Variants in FAAH2 observed in about 807,000 individuals in gnomAD.
FAAH2 encodes fatty acid amide hydrolase 2.
FAAH2 carries 60 observed loss-of-function variants against 36.9 expected under a neutral mutation model. The ratio of observed to expected loss-of-function variants is 1.63; its 90% CI spans 1.32 to 2.02. FAAH2 has a LOEUF of 2.02. Among genes scored for constraint, FAAH2 ranks in the 30% most tolerant of loss-of-function variants. FAAH2 has a pLI of 0.00. For synonymous variants in FAAH2, 214 were observed against 143.8 expected, an observed-to-expected ratio of 1.49 and a Z score of -3.49; for missense variants, 689 against 397.5, an observed-to-expected ratio of 1.73 and a Z score of -6.23.
rs188312537 is a variant in FAAH2, at chrX:57,415,994, T to C, written c.997-15924T>C. Among the ~76,000 whole-genome samples the C allele has an allele frequency of 3.5e-4, 39 of 111,689 alleles. No homozygotes were observed. In the East Asian group the frequency reaches 9.9e-3, roughly 28 times the overall value. On this transcript the variant is annotated intron_variant, in intron 7 of 10. Transcript: ENST00000374900. ...TCATTATGTAATGCCCTTCTTTGTA[T>C]TTTTTTAATCTTTGTTGGTTTAAAA...
the FAAH2 span, among the ~76,000 whole-genome samples, chrX:57,267,768 A>G: frequency 8.9e-6 from 1 of 112,456 alleles, no homozygotes; most frequent in Non-Finnish European, 1.9e-5. Context: ...TCTTCCAGAA[A>G]CAAAACCAGT....
the FAAH2 span, among the ~76,000 whole-genome samples, chrX:57,148,710 G>A: frequency 9.0e-6 from 1 of 111,552 alleles, no homozygotes; most frequent in African/African-American, 3.3e-5. Flanking sequence ...CTGCAAACAG[G>A]GACAATTTGA....
At chrX:57,354,662 G>A (rs1230112413) in intron 5 of FAAH2, among the ~76,000 whole-genome samples, 3 of 110,357 alleles carry the variant, frequency 2.7e-5, no homozygotes, top group Non-Finnish European at 5.7e-5. Flanking sequence ...CCTTTGTTAA[G>A]TATACATAAA....
intron 7 of FAAH2, among the ~76,000 whole-genome samples, chrX:57,391,700 A>G (rs991068618): frequency 9.0e-6 from 1 of 111,093 alleles, no homozygotes; most frequent in Non-Finnish European, 1.9e-5. Flanking sequence ...TTTTTTTACC[A>G]TTACCATACA....
rs756941950 is a variant in FAAH2 at position 57,406,085 on chromosome X, T to A, written c.996+25056T>A. ...TTTGAAGCAGCTGTCACTTCTTAGT[T>A]TTGAAATTGCCATTGTACAGATAAA... is the stretch of plus-strand genomic sequence containing the variant. On this transcript the variant is annotated intron_variant, in intron 7 of 10. Transcript: ENST00000374900. 2.7e-5 allele frequency among the ~76,000 whole-genome samples: 3 copies of A among 111,070 alleles called. No homozygotes were observed. The South Asian group carries it at 1.1e-3, about 42-fold the overall frequency.
chrX:57,336,146 G>C (rs1332962305), intron 4 of FAAH2, among the ~76,000 whole-genome samples: 1 of 111,126 alleles, frequency 9.0e-6, no homozygotes, highest in East Asian at 2.9e-4. Context: ...CACCACAAAA[G>C]AAGGGAAAAT....
intron 7 of FAAH2, among the ~76,000 whole-genome samples, chrX:57,415,426 CT>C (rs2055815718): frequency 9.0e-6 from 1 of 111,529 alleles, no homozygotes; most frequent in East Asian, 2.8e-4. Flanking sequence ...TACATTGTGT[CT>C]TTGTTCTCAT....
chrX:57,434,486 A>G (rs1156805563), intron 8 of FAAH2, among the ~76,000 whole-genome samples: 1 of 109,931 alleles, frequency 9.1e-6, no homozygotes, highest in Non-Finnish European at 1.9e-5. Flanking sequence ...ATAGTAACAG[A>G]AATTTTGGAA....
At chrX:57,448,372 T>A (rs1216613168) in intron 9 of FAAH2, 152 bp from the exon 10 acceptor site, 4 of 529,129 alleles carry the variant, frequency 7.6e-6, no homozygotes, top group Non-Finnish European at 1.2e-5. Flanking sequence ...CTAGAAGGAG[T>A]TAAAAGTAAG....
At chrX:57,431,059 C>T (rs1265627319) in intron 7 of FAAH2, among the ~76,000 whole-genome samples, 1 of 111,721 alleles carries the variant, frequency 9.0e-6, no homozygotes, top group Non-Finnish European at 1.9e-5. Context: ...ACACACTGAG[C>T]TGCAACACTA....
the FAAH2 span, among the ~76,000 whole-genome samples, chrX:57,190,075 G>A: frequency 9.0e-6 from 1 of 111,513 alleles, no homozygotes; most frequent in South Asian, 3.8e-4. Context: ...ACTGGGGCTG[G>A]TGCCTTTCTT....
chrX:57,286,873 G>T lies in FAAH2; in HGVS notation c.48G>T (p.Ala16=), dbSNP rs1470243493. Residue 16 remains alanine, a synonymous_variant, in exon 1 of 11, where the codon GCG becomes GCT. Transcript: ENST00000374900. ...TARIQLFLLR[A]LGFLIGLVGR... is the part of the protein sequence containing the mutation. ...GCATTCAGTTGTTCCTCTTGCGGGC[G>T]CTAGGCTTTCTCATAGGCTTAGTAG... is the stretch of plus-strand genomic sequence containing the variant. 8.4e-7 allele frequency: 1 copy of T among 1,195,155 alleles called. No homozygotes were observed. The highest frequency in any genetic ancestry group is 1.9e-5 in the South Asian group (1 of 53,926).
At chrX:57,204,407 C>T in the FAAH2 span, among the ~76,000 whole-genome samples, 1 of 111,704 alleles carries the variant, frequency 9.0e-6, no homozygotes, top group Non-Finnish European at 1.9e-5. Flanking sequence ...AAGGAATACT[C>T]ATGTCAATGG....
chrX:57,487,726 G>A (rs2147296469), intron 10 of FAAH2, among the ~76,000 whole-genome samples: 1 of 111,986 alleles, frequency 8.9e-6, no homozygotes, highest in South Asian at 3.7e-4. Flanking sequence ...TTCTTAAAAT[G>A]TTAAATGTAA....
At chrX:57,295,047 C>G (rs1162630275) in intron 2 of FAAH2, among the ~76,000 whole-genome samples, 1 of 112,036 alleles carries the variant, frequency 8.9e-6, no homozygotes, top group African/African-American at 3.2e-5. Flanking sequence ...TTATCAGAAT[C>G]TAGGAGCTCA....
chrX:57,414,478 T>A (rs942922915), intron 7 of FAAH2, among the ~76,000 whole-genome samples: 3 of 111,946 alleles, frequency 2.7e-5, no homozygotes, highest in Admixed American at 9.5e-5. Flanking sequence ...GATAATCATG[T>A]GGTTTTTGTC....
chrX:57,286,945 C>T lies in FAAH2; in HGVS notation c.120C>T (p.Thr40=). 1 of 1,204,057 alleles carries T rather than the reference C, an allele frequency of 8.3e-7. No homozygotes were observed. ...GGGGTCCAAAGTTTGCCTCAAAGAC[C>T]CCTCGGCCGGTGACTGAACCATTGC... ...VLGGPKFASK[T]PRPVTEPLLL... is the part of the protein sequence containing the mutation. The change falls in exon 1 of 11, where the codon ACC becomes ACT. Residue 40 remains threonine (T), a synonymous_variant. Transcript: ENST00000374900.
intron 5 of FAAH2, among the ~76,000 whole-genome samples, chrX:57,351,691 A>T (rs1482618996): frequency 9.1e-6 from 1 of 109,325 alleles, no homozygotes; most frequent in Non-Finnish European, 1.9e-5. Context: ...GACTATTATG[A>T]AAACTGTATG....
chrX:57,382,831 C>T (rs2054892523), intron 7 of FAAH2, among the ~76,000 whole-genome samples: 1 of 111,476 alleles, frequency 9.0e-6, no homozygotes, highest in South Asian at 3.8e-4. Context: ...TTTTATGAGG[C>T]CAGCATCATC....
Sources: gnomAD v4.1 joint callset for allele counts (sites outside exome capture counted in the v4.1 genomes callset) on GRCh38, gnomAD v4.1.1 for gene constraint, MANE v1.5 for transcripts, NCBI Gene and HGNC (gene_info 2026-07-23, HGNC 2026-07-21) for gene names.